ARMC3: variants seen among roughly 807,000 people sequenced by gnomAD.
The protein encoded by ARMC3 is armadillo repeat containing 3, also known as armadillo repeat-containing protein 3.
In ARMC3, 74 loss-of-function variants were observed where a neutral mutation model predicts 90.3. That is an observed-to-expected ratio of 0.82 (90% CI 0.68 to 0.99). The LOEUF (loss-of-function observed/expected upper bound fraction) is 0.99. Among genes scored for constraint, ARMC3 ranks in the 50% least tolerant of loss-of-function variants. The pLI is 0.00. For missense variants in ARMC3, 958 were observed against 1,042.8 expected (o/e 0.92, Z 1.12); for synonymous variants, 334 against 361.8 (o/e 0.92, Z 0.87).
intron 8 of ARMC3, among the ~76,000 whole-genome samples, chr10:22,979,410 C>T (rs1287672515): frequency 6.6e-6 from 1 of 152,188 alleles, no homozygotes; most frequent in Non-Finnish European, 1.5e-5. Context: ...ATTTTGAGAA[C>T]AGTCCCAGCA....
At chr10:22,962,214 C>A in intron 7 of ARMC3, 136 bp downstream of exon 7, 3 of 607,916 alleles carry the variant, frequency 4.9e-6, no homozygotes, top group Non-Finnish European at 7.4e-6. Flanking sequence ...AGTTTATTGG[C>A]CTGCTTAAAT....
chr10:23,020,029 G>A (rs567533063), intron 16 of ARMC3, among the ~76,000 whole-genome samples: 1 of 152,346 alleles, frequency 6.6e-6, no homozygotes, highest in East Asian at 1.9e-4. Context: ...CCACTCACCT[G>A]TTAAAGGACA....
chr10:22,931,324 T>A (rs1273280845), intron 1 of ARMC3, among the ~76,000 whole-genome samples: 2 of 152,226 alleles, frequency 1.3e-5, no homozygotes, highest in African/African-American at 4.8e-5. Flanking sequence ...CATGGACATA[T>A]GAGGACAAGT....
chr10:22,950,213 A>G (rs1402282713), intron 3 of ARMC3, among the ~76,000 whole-genome samples: 1 of 152,160 alleles, frequency 6.6e-6, no homozygotes, highest in Non-Finnish European at 1.5e-5. Context: ...ACAGAGTGCT[A>G]GAAATGGCAA....
At chr10:23,014,046 T>A in intron 16 of ARMC3, 1 of 1,534,868 alleles carries the variant, frequency 6.5e-7, no homozygotes. Context: ...TGAGAATAAT[T>A]ATTCCTTCTT....
chr10:23,001,867 A>G, intron 11 of ARMC3, 52 bp from the exon 12 acceptor site: 2 of 1,563,698 alleles, frequency 1.3e-6, no homozygotes, highest in East Asian at 2.3e-5. Context: ...TAAAAGCACA[A>G]ATAGTTACAT....
At chr10:22,977,436 C>T (rs1835979387) in intron 8 of ARMC3, among the ~76,000 whole-genome samples, 1 of 152,216 alleles carries the variant, frequency 6.6e-6, no homozygotes, top group Non-Finnish European at 1.5e-5. Context: ...CAAAAGTTAA[C>T]TTCCATTGCT....
intron 18 of ARMC3, among the ~76,000 whole-genome samples, chr10:23,036,212 G>A (rs1484718441): frequency 6.6e-6 from 1 of 152,054 alleles, no homozygotes. Flanking sequence ...TGAACTATGA[G>A]TGCCATACAT....
At chr10:22,962,901 C>T (rs1035184991) in intron 7 of ARMC3, among the ~76,000 whole-genome samples, 5 of 152,148 alleles carry the variant, frequency 3.3e-5, no homozygotes, top group African/African-American at 7.2e-5. Context: ...TGGACCTACC[C>T]GCCTTTGATT....
At chr10:22,938,439 T>C (rs561825597) in intron 2 of ARMC3, among the ~76,000 whole-genome samples, 1 of 152,316 alleles carries the variant, frequency 6.6e-6, no homozygotes, top group Admixed American at 6.5e-5. Context: ...CTGATTTATA[T>C]TTAAAATAAA....
intron 2 of ARMC3, among the ~76,000 whole-genome samples, chr10:22,935,411 G>A (rs928729915): frequency 6.6e-6 from 1 of 152,126 alleles, no homozygotes; most frequent in Non-Finnish European, 1.5e-5. Flanking sequence ...GGACAGCACA[G>A]AATCAGAACA....
chr10:22,973,753 CTTTTTTTTTTT>C (rs56405413), intron 8 of ARMC3, among the ~76,000 whole-genome samples: 10 of 79,920 alleles, frequency 1.3e-4, no homozygotes, highest in African/African-American at 1.7e-4. Flanking sequence ...CTTTGTCTTT[CTTTTTTTTTTT>C]TTTTTTTTTT....
chr10:22,991,204 G>A (rs1564376412), intron 10 of ARMC3, among the ~76,000 whole-genome samples: 1 of 152,118 alleles, frequency 6.6e-6, no homozygotes, highest in Non-Finnish European at 1.5e-5. Flanking sequence ...ACTTACCTTT[G>A]AGCAAGTTTT....
At chr10:22,999,072 A>G (rs750843897) in intron 11 of ARMC3, among the ~76,000 whole-genome samples, 9 of 152,206 alleles carry the variant, frequency 5.9e-5, no homozygotes, top group Non-Finnish European at 1.2e-4. Context: ...CTTAAGCTGG[A>G]TAGTAGACAA....
chr10:22,955,778 G>A (rs754854066), intron 3 of ARMC3, 29 bp from the exon 4 acceptor site: 2 of 1,612,282 alleles, frequency 1.2e-6, no homozygotes, highest in South Asian at 1.1e-5. Context: ...TAATATCCAT[G>A]TGTGGTTTTG....
chr10:23,012,672 C>T (rs1007977712), intron 16 of ARMC3, among the ~76,000 whole-genome samples: 1 of 152,080 alleles, frequency 6.6e-6, no homozygotes, highest in Non-Finnish European at 1.5e-5. Context: ...CTCATTTATC[C>T]CCAATATGGA....
intron 3 of ARMC3, among the ~76,000 whole-genome samples, chr10:22,949,723 G>A (rs1241822756): frequency 6.6e-6 from 1 of 152,120 alleles, no homozygotes; most frequent in African/African-American, 2.4e-5. Flanking sequence ...CCCTAAATCT[G>A]ATGAAAACTC....
intron 3 of ARMC3, among the ~76,000 whole-genome samples, chr10:22,952,494 T>C (rs1834773581): frequency 6.6e-6 from 1 of 152,204 alleles, no homozygotes; most frequent in Non-Finnish European, 1.5e-5. Flanking sequence ...AAAAGACAGC[T>C]TGAATAGCTC....
At chr10:22,997,832 A>G (rs973271954) in intron 10 of ARMC3, among the ~76,000 whole-genome samples, 3 of 152,156 alleles carry the variant, frequency 2.0e-5, no homozygotes, top group Non-Finnish European at 4.4e-5. Flanking sequence ...AAATAATAAT[A>G]ATAATGGTTG....
Sources: gnomAD v4.1 joint callset for allele counts (sites outside exome capture counted in the v4.1 genomes callset) on GRCh38, gnomAD v4.1.1 for gene constraint, MANE v1.5 for transcripts, NCBI Gene and HGNC (gene_info 2026-07-23, HGNC 2026-07-21) for gene names.